The following BANP variants were observed in gnomAD, a reference collection of about 807,000 sequenced individuals.
The protein encoded by BANP is protein BANP.
BANP carries 11 observed loss-of-function variants against 68.1 expected under a neutral mutation model. That is an observed-to-expected ratio of 0.16 (90% CI 0.10 to 0.27). The LOEUF (loss-of-function observed/expected upper bound fraction) is 0.27. Ranked by LOEUF, BANP falls within the 10% of genes least tolerant of loss-of-function variation. The pLI is 1.00. For missense variants in BANP, 504 were observed against 722.7 expected, an observed-to-expected ratio of 0.70 and a Z score of 3.47; for synonymous variants, 329 against 303.2, an observed-to-expected ratio of 1.09 and a Z score of -0.88.
chr16:87,954,403 G>A (rs998716275), intron 1 of BANP, among the ~76,000 whole-genome samples: 5 of 152,138 alleles, frequency 3.3e-5, no homozygotes, highest in African/African-American at 1.2e-4. Flanking sequence ...AAAAGTGTTG[G>A]CTTCTTCCTC....
intron 1 of BANP, chr16:87,966,793 G>A (rs1156541457): frequency 6.6e-6 from 1 of 152,306 alleles, no homozygotes; most frequent in Admixed American, 6.5e-5. Flanking sequence ...ATGTCCTTGG[G>A]TTTAGTCTGG....
intron 1 of BANP, among the ~76,000 whole-genome samples, chr16:87,962,294 G>T (rs2059335797): frequency 6.9e-6 from 1 of 144,220 alleles, no homozygotes. Context: ...TAAATTACCA[G>T]TCTCAGATAC....
intron 13 of BANP, among the ~76,000 whole-genome samples, chr16:88,075,583 G>C (rs1461792337): frequency 6.6e-6 from 1 of 152,180 alleles, no homozygotes; most frequent in Non-Finnish European, 1.5e-5. Flanking sequence ...CCGTGGGCTC[G>C]TGGCTTCTCC....
At chr16:87,953,433 T>G (rs1331869368) in intron 1 of BANP, among the ~76,000 whole-genome samples, 1 of 152,168 alleles carries the variant, frequency 6.6e-6, no homozygotes, top group Non-Finnish European at 1.5e-5. Flanking sequence ...GTACTCGAAC[T>G]CCTGAGCTCA....
chr16:88,004,551 C>T lies in BANP; in HGVS notation c.479+140C>T. ...ACAGGGTTGAGCCTGGCAGGCACCG[C>T]CCCAGCTCTCTGAGGTCGGGGAGGG... is the stretch of plus-strand genomic sequence containing the variant. On this transcript the variant is annotated intron_variant, in intron 5 of 13. Coordinates refer to ENST00000682872, the MANE Select transcript of BANP (RefSeq NM_001386991.1). This position sits in a 1 kb window ranked among gnomAD's most constrained non-coding sequence, Gnocchi z 7.0. The T allele has an allele frequency of 1.7e-6, 1 of 590,622 alleles. No individual in the cohort carries two copies. Among genetic ancestry groups the T allele is most frequent in the Non-Finnish European group, 2.9e-6 (1 of 339,738 alleles). The allele number at this position is 590,622 out of a possible 1,614,324, so 36.6% of individuals were successfully genotyped here. A position where few individuals can be genotyped will look rare whatever the true frequency, so the allele number is the denominator to read the frequency against.
intron 11 of BANP, among the ~76,000 whole-genome samples, chr16:88,058,007 C>A (rs562949828): frequency 6.6e-6 from 1 of 152,272 alleles, no homozygotes; most frequent in East Asian, 1.9e-4. Flanking sequence ...GGCGGAGTTA[C>A]ACGGGAAGAA....
intron 8 of BANP, 114 bp from the exon 9 acceptor site, chr16:88,032,995 T>A: frequency 6.6e-6 from 8 of 1,203,500 alleles, no homozygotes; most frequent in Non-Finnish European, 9.0e-6. Context: ...AATGAAGCAT[T>A]TCCTCTTCTC....
chr16:88,071,299 G>A lies in BANP; in HGVS notation c.1378-770G>A, dbSNP rs758335672. The stretch of plus-strand genomic sequence containing the variant: ...CCCTCAGGGCTGGGGCTGCCCACCC[G>A]CCTGCCTGGGCCGTCTTGACACCGG... On this transcript the variant is annotated intron_variant, in intron 12 of 13. Transcript: ENST00000682872. The surrounding 1 kb of genome is among the most constrained non-coding windows in gnomAD (Gnocchi z 6.5). 59 of 365,142 alleles carry A rather than the reference G, an allele frequency of 1.6e-4. No homozygotes were observed. The highest frequency in any genetic ancestry group is 4.7e-4 in the Middle Eastern group (1 of 2,124). 22.6% of individuals were successfully genotyped at this position (365,142 alleles called of 1,614,324 possible).
intron 3 of BANP, among the ~76,000 whole-genome samples, chr16:87,981,794 T>C (rs2063327375): frequency 6.6e-6 from 1 of 152,248 alleles, no homozygotes; most frequent in South Asian, 2.1e-4. Context: ...GTGTCTGCCA[T>C]TTAAGTCACT....
At chr16:87,975,370 C>T (rs2061825059) in intron 2 of BANP, among the ~76,000 whole-genome samples, 185 bp downstream of exon 2, 1 of 152,222 alleles carries the variant, frequency 6.6e-6, no homozygotes, top group Non-Finnish European at 1.5e-5. Context: ...GCAGCCTCAG[C>T]CCCACGTCCC....
At chr16:88,060,988 C>T (rs1459960026) in intron 11 of BANP, among the ~76,000 whole-genome samples, 1 of 151,952 alleles carries the variant, frequency 6.6e-6, no homozygotes, top group Non-Finnish European at 1.5e-5. Flanking sequence ...TCAGAAGACC[C>T]CAAGACACAC....
chr16:87,976,343 G>T (rs1358846830), intron 2 of BANP, among the ~76,000 whole-genome samples: 1 of 152,154 alleles, frequency 6.6e-6, no homozygotes. Context: ...GGTGTTAAAG[G>T]CACATGTCTA....
chr16:88,045,867 G>GTC (rs2081909712), intron 11 of BANP, among the ~76,000 whole-genome samples: 1 of 152,190 alleles, frequency 6.6e-6, no homozygotes, highest in Admixed American at 6.5e-5. Flanking sequence ...GGGATTGGCA[G>GTC]TGTCGCTTCC....
chr16:87,950,088 A>G (rs1249048593), upstream of BANP, among the ~76,000 whole-genome samples: 3 of 152,098 alleles, frequency 2.0e-5, no homozygotes, highest in Non-Finnish European at 2.9e-5. Flanking sequence ...CGTGTTAGCC[A>G]GGATGGTCTC....
chr16:88,047,141 T>G (rs922537796), intron 11 of BANP, among the ~76,000 whole-genome samples: 3 of 152,132 alleles, frequency 2.0e-5, no homozygotes, highest in African/African-American at 7.2e-5. Context: ...CGTGCGGTCC[T>G]GGGTGGGAGG....
chr16:88,026,256 C>A (rs1170759670), intron 7 of BANP, among the ~76,000 whole-genome samples: 1 of 152,212 alleles, frequency 6.6e-6, no homozygotes. Flanking sequence ...GTTGTGCCCA[C>A]TCGGCTTGTG....
chr16:88,069,961 T>C (rs1365364488), intron 12 of BANP, among the ~76,000 whole-genome samples: 1 of 151,292 alleles, frequency 6.6e-6, no homozygotes. Flanking sequence ...TTCCTCCTCT[T>C]CCCCCCAGCC....
intron 9 of BANP, chr16:88,035,091 C>T (rs1420350681): frequency 7.5e-6 from 4 of 530,930 alleles, no homozygotes; most frequent in Admixed American, 3.3e-5. Flanking sequence ...TTCTGGCGTC[C>T]ACGTGGTGGG....
Position 88,071,470 on chromosome 16 carries a change from C to T in BANP, c.1378-599C>T, listed in dbSNP as rs574378175. The T allele has an allele frequency of 4.4e-6, 2 of 456,296 alleles. No homozygotes were observed. The highest frequency in any genetic ancestry group is 3.1e-5 in the South Asian group (2 of 64,560). The allele number at this position is 456,296 out of a possible 1,614,324, so 28.3% of individuals were successfully genotyped here. On this transcript the variant is annotated intron_variant, in intron 12 of 13. Coordinates refer to ENST00000682872, the MANE Select transcript of BANP (RefSeq NM_001386991.1). The surrounding 1 kb of genome is among the most constrained non-coding windows in gnomAD (Gnocchi z 6.5). ...CATACTCTGGGAGGCGGTACAAGGT[C>T]GGGAGGGCCAGCGGGGCTCTCTGCC...
Sources: allele counts gnomAD v4.1 joint callset (sites outside exome capture counted in the v4.1 genomes callset), GRCh38; gene constraint gnomAD v4.1.1; non-coding constraint Gnocchi (gnomAD v3.1); transcripts MANE v1.5; gene names NCBI Gene and HGNC (gene_info 2026-07-23, HGNC 2026-07-21).